The following DIPK1A variants were observed in gnomAD, a reference collection of about 807,000 sequenced individuals.
The protein encoded by DIPK1A is family with sequence similarity 69 member A.
A neutral mutation model predicts 40.8 loss-of-function variants in DIPK1A; 27 were observed. That is an observed-to-expected ratio of 0.66 (90% CI 0.49 to 0.91). The LOEUF (loss-of-function observed/expected upper bound fraction) is 0.91. DIPK1A is among the 40% of genes least tolerant of loss of function. The pLI is 0.00. For synonymous variants in DIPK1A, 166 were observed against 171.3 expected (o/e 0.97, Z 0.24); for missense variants, 412 against 505.7 (o/e 0.81, Z 1.78).
intron 2 of DIPK1A, among the ~76,000 whole-genome samples, chr1:92,874,989 T>C (rs1381663887): frequency 6.6e-6 from 1 of 152,156 alleles, no homozygotes. Context: ...ACAGGATTGC[T>C]ATCTTTGAAC....
chr1:92,925,525 G>A (rs902282432), intron 1 of DIPK1A, among the ~76,000 whole-genome samples: 6 of 151,992 alleles, frequency 3.9e-5, no homozygotes, highest in South Asian at 2.1e-4. Context: ...AGACAGTCTC[G>A]CGCTGCAACC....
chr1:92,942,634 T>C (rs543203300), intron 1 of DIPK1A, among the ~76,000 whole-genome samples: 1 of 152,268 alleles, frequency 6.6e-6, no homozygotes, highest in South Asian at 2.1e-4. Flanking sequence ...CCTTATTTTA[T>C]TGAAATACTT....
At chr1:92,926,863 T>A (rs974438335) in intron 1 of DIPK1A, among the ~76,000 whole-genome samples, 1 of 152,264 alleles carries the variant, frequency 6.6e-6, no homozygotes, top group Non-Finnish European at 1.5e-5. Context: ...CCCATCCTTT[T>A]ACTTTGAAGC....
intron 2 of DIPK1A, among the ~76,000 whole-genome samples, chr1:92,875,667 T>C (rs964864828): frequency 9.3e-5 from 14 of 150,552 alleles, no homozygotes; most frequent in African/African-American, 2.7e-4. Flanking sequence ...TAGGCTGAGA[T>C]TGTACCACTG....
chr1:92,935,737 CA>C lies in DIPK1A; in HGVS notation c.54+25638del, dbSNP rs575360880. The stretch of plus-strand genomic sequence containing the variant: ...ATTATAACGTGTTCAAGTAACTGAG[CA>C]AAAAAAAAAAATCCCTCACTATTCT... On this transcript the variant is annotated intron_variant, in intron 1 of 4. Coordinates refer to ENST00000370310, the MANE Select transcript of DIPK1A (RefSeq NM_001006605.5). Among the ~76,000 whole-genome samples, 909 of 136,958 alleles carry C rather than the reference CA, an allele frequency of 6.6e-3. 5 individuals carry two copies. The highest frequency in any genetic ancestry group is 0.02 in the African/African-American group (759 of 37,462). 89.8% of individuals were successfully genotyped at this position (136,958 alleles called of 152,430 possible).
chr1:92,875,067 C>T (rs1192340601), intron 2 of DIPK1A, among the ~76,000 whole-genome samples: 2 of 152,072 alleles, frequency 1.3e-5, no homozygotes, highest in Non-Finnish European at 2.9e-5. Flanking sequence ...TGTAACACTC[C>T]TGTGGAATAA....
intron 4 of DIPK1A, chr1:92,836,547 G>A (rs1050433550): frequency 5.7e-6 from 4 of 698,538 alleles, no homozygotes; most frequent in Non-Finnish European, 1.0e-5. Flanking sequence ...AGGGCAGGAA[G>A]GAATTATAGC....
intron 1 of DIPK1A, among the ~76,000 whole-genome samples, chr1:92,930,137 T>C (rs919246199): frequency 1.3e-5 from 2 of 152,024 alleles, no homozygotes; most frequent in Non-Finnish European, 2.9e-5. Context: ...CACTTACAGG[T>C]CCTTGTTGCT....
chr1:92,892,045 G>A (rs978783152), intron 1 of DIPK1A, among the ~76,000 whole-genome samples: 1 of 152,068 alleles, frequency 6.6e-6, no homozygotes, highest in Non-Finnish European at 1.5e-5. Flanking sequence ...GCAGCTCAAG[G>A]AGGCCTGCCT....
intron 1 of DIPK1A, among the ~76,000 whole-genome samples, chr1:92,943,960 A>T (rs896805283): frequency 6.6e-6 from 1 of 152,244 alleles, no homozygotes; most frequent in Non-Finnish European, 1.5e-5. Context: ...AGACAATTAC[A>T]GAGCATAAGA....
intron 1 of DIPK1A, among the ~76,000 whole-genome samples, chr1:92,938,276 A>G (rs190847728): frequency 2.6e-4 from 37 of 141,740 alleles, no homozygotes; most frequent in Non-Finnish European, 4.5e-4. Context: ...CACACCTGTA[A>G]TCCCAGCTAC....
At chr1:92,955,869 C>T (rs1651833482) in intron 1 of DIPK1A, among the ~76,000 whole-genome samples, 1 of 151,944 alleles carries the variant, frequency 6.6e-6, no homozygotes, top group African/African-American at 2.4e-5. Flanking sequence ...AGTGGGACCA[C>T]TGTCTCTTAA....
At chr1:92,935,163 C>T (rs532843817) in intron 1 of DIPK1A, among the ~76,000 whole-genome samples, 1 of 152,280 alleles carries the variant, frequency 6.6e-6, no homozygotes, top group Admixed American at 6.5e-5. Flanking sequence ...AAACACAGGT[C>T]TTGAGATTCC....
intron 1 of DIPK1A, among the ~76,000 whole-genome samples, chr1:92,916,443 A>T (rs1650057790): frequency 6.6e-6 from 1 of 151,806 alleles, no homozygotes; most frequent in Non-Finnish European, 1.5e-5. Flanking sequence ...CTGGGATTAC[A>T]GGTGCCCGCC....
At chr1:92,930,206 T>C (rs562671751) in intron 1 of DIPK1A, among the ~76,000 whole-genome samples, 2 of 152,288 alleles carry the variant, frequency 1.3e-5, no homozygotes, top group East Asian at 1.9e-4. Flanking sequence ...TGGCCTTTTG[T>C]GGCTCCCAAT....
chr1:92,932,992 G>T (rs773987795), intron 1 of DIPK1A: 26 of 152,238 alleles, frequency 1.7e-4, no homozygotes, highest in Non-Finnish European at 3.5e-4. Flanking sequence ...CCACTCTGGT[G>T]AGGGATGTTG....
chr1:92,945,995 C>T (rs916157128), intron 1 of DIPK1A, among the ~76,000 whole-genome samples: 17 of 152,132 alleles, frequency 1.1e-4, no homozygotes, highest in African/African-American at 3.9e-4. Context: ...AGCAAACAAG[C>T]ATGATTTCTA....
intron 1 of DIPK1A, among the ~76,000 whole-genome samples, chr1:92,879,660 C>T (rs1272548494): frequency 6.6e-6 from 1 of 152,134 alleles, no homozygotes; most frequent in Non-Finnish European, 1.5e-5. Flanking sequence ...GACCTTCATG[C>T]GTCCTTTAAT....
At chr1:92,859,355 C>T (rs976532629) in intron 2 of DIPK1A, among the ~76,000 whole-genome samples, 1 of 152,080 alleles carries the variant, frequency 6.6e-6, no homozygotes, top group Non-Finnish European at 1.5e-5. Context: ...TTCATGTTCG[C>T]GTTCTCATCC....
Sources: allele counts gnomAD v4.1 joint callset (sites outside exome capture counted in the v4.1 genomes callset), GRCh38; gene constraint gnomAD v4.1.1; transcripts MANE v1.5; gene names NCBI Gene and HGNC (gene_info 2026-07-23, HGNC 2026-07-21).